Variants in CTNNA3 observed in about 807,000 individuals in gnomAD.
CTNNA3 encodes the protein catenin alpha 3.
Under a neutral mutation model 95.7 loss-of-function variants are expected in CTNNA3, and 76 were observed. The observed-to-expected ratio is 0.79, with a 90% confidence interval of 0.66 to 0.96. The LOEUF (loss-of-function observed/expected upper bound fraction) is 0.96, where lower values mean the gene tolerates loss of function less well. Ranked by LOEUF, CTNNA3 falls within the 40% of genes least tolerant of loss-of-function variation. CTNNA3 has a pLI of 0.00. For missense variants in CTNNA3, 1,191 were observed against 1,089.8 expected (o/e 1.09, Z -1.31); for synonymous variants, 431 against 374.4 (o/e 1.15, Z -1.74).
At chr10:66,500,567 T>G (rs1840246433) in intron 11 of CTNNA3, among the ~76,000 whole-genome samples, 1 of 152,090 alleles carries the variant, frequency 6.6e-6, no homozygotes, top group Admixed American at 6.5e-5. Flanking sequence ...TCCCATATAG[T>G]TAGGTGAAGA....
intron 7 of CTNNA3, among the ~76,000 whole-genome samples, chr10:67,151,336 T>TAA (rs11376698): frequency 5.3e-5 from 8 of 151,012 alleles, no homozygotes; most frequent in East Asian, 3.9e-4. Context: ...TTACAGTGAA[T>TAA]AAAAAAAAAT....
chr10:67,537,795 T>C (rs1840531805), intron 4 of CTNNA3, among the ~76,000 whole-genome samples: 1 of 152,156 alleles, frequency 6.6e-6, no homozygotes. Context: ...TTAGTGTCTG[T>C]ATTCAAATAT....
At chr10:67,313,088 T>C (rs961185017) in intron 5 of CTNNA3, among the ~76,000 whole-genome samples, 1 of 152,150 alleles carries the variant, frequency 6.6e-6, no homozygotes, top group African/African-American at 2.4e-5. Flanking sequence ...TTATAAGCTG[T>C]TATTGATAGT....
chr10:66,081,756 G>A (rs111563331), intron 14 of CTNNA3, among the ~76,000 whole-genome samples: 3,371 of 152,228 alleles, frequency 0.022, 122 homozygotes, highest in African/African-American at 0.078. Context: ...CTTTGGCAAG[G>A]TTCATTGATG....
At chr10:66,316,176 G>A (rs2132274009) in intron 12 of CTNNA3, among the ~76,000 whole-genome samples, 1 of 152,070 alleles carries the variant, frequency 6.6e-6, no homozygotes, top group South Asian at 2.1e-4. Context: ...TAAAATAATG[G>A]TTTACCCAAT....
intron 7 of CTNNA3, among the ~76,000 whole-genome samples, chr10:66,883,923 A>T (rs7921839): frequency 0.95 from 144,722 of 151,578 alleles, 69,354 homozygotes; most frequent in Non-Finnish European, 1. Flanking sequence ...TTATTTTTTT[A>T]AAAAAAGTTT....
chr10:67,727,586 T>A (rs1029336423), intron 1 of CTNNA3, among the ~76,000 whole-genome samples: 1 of 128,714 alleles, frequency 7.8e-6, no homozygotes, highest in Admixed American at 9.2e-5. Flanking sequence ...TAATATATGA[T>A]ATATATCATA....
At chr10:67,212,862 G>A (rs929449877) in intron 6 of CTNNA3, among the ~76,000 whole-genome samples, 1 of 151,594 alleles carries the variant, frequency 6.6e-6, no homozygotes, top group Admixed American at 6.6e-5. Context: ...TGCAATTTTT[G>A]CATCTAATTT....
At chr10:67,348,843 C>T (rs1214177046) in intron 5 of CTNNA3, among the ~76,000 whole-genome samples, 1 of 151,960 alleles carries the variant, frequency 6.6e-6, no homozygotes, top group African/African-American at 2.4e-5. Flanking sequence ...GGAGATAATT[C>T]CTAAAATATA....
intron 10 of CTNNA3, among the ~76,000 whole-genome samples, chr10:66,533,920 A>C (rs1175466230): frequency 1.3e-5 from 2 of 152,144 alleles, no homozygotes; most frequent in Non-Finnish European, 2.9e-5. Flanking sequence ...AAGAGTTAAA[A>C]AATTTTTTAA....
At chr10:66,926,542 C>G in intron 7 of CTNNA3, 1 of 1,613,088 alleles carries the variant, frequency 6.2e-7, no homozygotes, top group Non-Finnish European at 8.5e-7. Context: ...GCCCCTAAGC[C>G]AAAGCAAAAG....
chr10:67,247,032 C>T (rs1865934011), intron 5 of CTNNA3, among the ~76,000 whole-genome samples: 1 of 152,162 alleles, frequency 6.6e-6, no homozygotes, highest in African/African-American at 2.4e-5. Context: ...AAATCTTCAA[C>T]CACAGCTAAA....
At chr10:67,638,844 G>A (rs948980686) in intron 2 of CTNNA3, among the ~76,000 whole-genome samples, 4 of 152,128 alleles carry the variant, frequency 2.6e-5, no homozygotes, top group African/African-American at 4.8e-5. Context: ...GAATCTCTGC[G>A]ACACATTTAA....
chr10:67,662,772 G>T (rs550011347), intron 1 of CTNNA3, among the ~76,000 whole-genome samples: 1 of 152,214 alleles, frequency 6.6e-6, no homozygotes, highest in African/African-American at 2.4e-5. Context: ...ATTTGATTGT[G>T]GCGGTGATGG....
intron 11 of CTNNA3, among the ~76,000 whole-genome samples, chr10:66,410,830 C>G (rs940211368): frequency 6.6e-6 from 1 of 152,172 alleles, no homozygotes; most frequent in African/African-American, 2.4e-5. Flanking sequence ...AAGGCTCTTT[C>G]TCATCCTGGT....
In CTNNA3 at chr10:66,205,980, C is replaced by A. The variant is rs538883398; in HGVS notation, c.1884+74490G>T. 4.6e-5 allele frequency among the ~76,000 whole-genome samples: 7 copies of A among 152,008 alleles called. 1 individual carries two copies. Among genetic ancestry groups the A allele is most frequent in the African/African-American group, 1.7e-4 (7 of 41,548 alleles). ...ACTAACCACATTATGTCAATTTAAA[C>A]CTTGTTACACTCCAGAAAAATCAGC... is the stretch of plus-strand genomic sequence containing the variant. On this transcript the variant is annotated intron_variant, in intron 13 of 17. Coordinates refer to ENST00000433211, the MANE Select transcript of CTNNA3 (RefSeq NM_013266.4).
At chr10:67,309,086 C>T (rs994451982) in intron 5 of CTNNA3, among the ~76,000 whole-genome samples, 16 of 152,086 alleles carry the variant, frequency 1.1e-4, no homozygotes, top group African/African-American at 3.9e-4. Context: ...AATTATGACT[C>T]ATCTCAAAAA....
At chr10:66,704,340 C>T (rs1009506843) in intron 9 of CTNNA3, among the ~76,000 whole-genome samples, 1 of 152,104 alleles carries the variant, frequency 6.6e-6, no homozygotes, top group African/African-American at 2.4e-5. Context: ...AACATAAATG[C>T]TTCTTTTTCT....
Position 66,863,133 on chromosome 10 carries a change from C to A in CTNNA3, c.1048-87609G>T, listed in dbSNP as rs911633236. Among the ~76,000 whole-genome samples the A allele has an allele frequency of 4.6e-5, 7 of 151,464 alleles. No individual in the cohort carries two copies. In the Admixed American group the frequency reaches 4.6e-4, roughly 10 times the overall value. On this transcript the variant is annotated intron_variant, in intron 7 of 17. Transcript: ENST00000433211. ...TTGGGACTCCATCTTGCTGACTCAC[C>A]TGCAGTTCTTGTAAATTAGCCTCCA...
Sources: allele counts gnomAD v4.1 joint callset (sites outside exome capture counted in the v4.1 genomes callset), GRCh38; gene constraint gnomAD v4.1.1; transcripts MANE v1.5; gene names NCBI Gene and HGNC (gene_info 2026-07-23, HGNC 2026-07-21).